TLCD4: variants seen among roughly 807,000 people sequenced by gnomAD.
The protein encoded by TLCD4 is TLC domain-containing protein 4.
In TLCD4, 7 loss-of-function variants were observed where a neutral mutation model predicts 24.2. The observed-to-expected ratio is 0.29, with a 90% CI of 0.16 to 0.54. TLCD4 has a LOEUF of 0.54. Ranked by LOEUF, TLCD4 falls within the 20% of genes least tolerant of loss-of-function variation. The pLI, the probability that TLCD4 is intolerant of heterozygous loss-of-function variation, is 0.95. For synonymous variants in TLCD4, 103 were observed against 106.4 expected (o/e 0.97, Z 0.20); for missense variants, 259 against 313.9 (o/e 0.82, Z 1.32).
At chr1:95,151,214 G>C in intron 4 of TLCD4, 111 bp from the exon 5 acceptor site, 2 of 1,066,892 alleles carry the variant, frequency 1.9e-6, no homozygotes, top group Non-Finnish European at 2.8e-6. Flanking sequence ...ACAAAGTGCT[G>C]TGGGCTCAGA....
At chr1:95,127,335 C>T (rs1676768270) in intron 1 of TLCD4, among the ~76,000 whole-genome samples, 1 of 152,204 alleles carries the variant, frequency 6.6e-6, no homozygotes, top group South Asian at 2.1e-4. Flanking sequence ...CCTACCTTAG[C>T]CACTTCCCTT....
chr1:95,139,949 A>G (rs1677153209), intron 1 of TLCD4, among the ~76,000 whole-genome samples: 1 of 152,202 alleles, frequency 6.6e-6, no homozygotes, highest in Admixed American at 6.5e-5. Flanking sequence ...AGAACCATCA[A>G]TATCATTGTC....
At chr1:95,105,888 C>G in the TLCD4 span, among the ~76,000 whole-genome samples, 1 of 44,254 alleles carries the variant, frequency 2.3e-5, no homozygotes, top group Non-Finnish European at 7.4e-5. Flanking sequence ...GAGCGAGACT[C>G]CGTCTTAAAA....
intron 1 of TLCD4, among the ~76,000 whole-genome samples, chr1:95,127,328 A>G (rs1317682295): frequency 6.6e-6 from 1 of 152,202 alleles, no homozygotes; most frequent in African/African-American, 2.4e-5. Context: ...GCAAAGCCCT[A>G]CCTTAGCCAC....
chr1:95,143,534 A>T (rs1367472093), intron 1 of TLCD4, among the ~76,000 whole-genome samples: 1 of 152,194 alleles, frequency 6.6e-6, no homozygotes, highest in African/African-American at 2.4e-5. Flanking sequence ...GGGATAAAGA[A>T]ATCGATTTGT....
intron 6 of TLCD4, among the ~76,000 whole-genome samples, chr1:95,177,152 T>C (rs1678461521): frequency 6.6e-6 from 1 of 152,234 alleles, no homozygotes; most frequent in Non-Finnish European, 1.5e-5. Flanking sequence ...CCATATGCCT[T>C]CAGCCTCTTT....
chr1:95,176,325 A>G (rs1302061307), intron 6 of TLCD4, among the ~76,000 whole-genome samples: 1 of 151,032 alleles, frequency 6.6e-6, no homozygotes, highest in East Asian at 2.0e-4. Flanking sequence ...TTGAGTAGCT[A>G]GAATTACAGG....
At chr1:95,155,220 C>T (rs1350238646) in intron 5 of TLCD4, among the ~76,000 whole-genome samples, 1 of 151,960 alleles carries the variant, frequency 6.6e-6, no homozygotes, top group Admixed American at 6.6e-5. Context: ...TAAGAAAATC[C>T]AGACTTCCAT....
intron 1 of TLCD4, among the ~76,000 whole-genome samples, chr1:95,125,092 A>G (rs1339223332): frequency 2.0e-5 from 3 of 152,322 alleles, no homozygotes; most frequent in East Asian, 1.9e-4. Context: ...TTCACTTCCC[A>G]TGAGTTATCT....
chr1:95,127,689 A>AGCC (rs1313069872), intron 1 of TLCD4, among the ~76,000 whole-genome samples: 1 of 152,194 alleles, frequency 6.6e-6, no homozygotes, highest in East Asian at 1.9e-4. Context: ...GACAGTAGAG[A>AGCC]GCCACCTGGT....
intron 5 of TLCD4, among the ~76,000 whole-genome samples, chr1:95,157,094 T>C (rs1159551726): frequency 6.6e-6 from 1 of 152,172 alleles, no homozygotes; most frequent in Non-Finnish European, 1.5e-5. Flanking sequence ...AATAATGTTT[T>C]AGCAGAGGCC....
intron 5 of TLCD4, among the ~76,000 whole-genome samples, chr1:95,167,983 C>T (rs766711175): frequency 3.3e-5 from 5 of 152,154 alleles, no homozygotes; most frequent in South Asian, 2.1e-4. Context: ...CGCCAGACTT[C>T]GTCACCCCCA....
At chr1:95,124,653 G>A (rs1247662585) in intron 1 of TLCD4, among the ~76,000 whole-genome samples, 1 of 152,038 alleles carries the variant, frequency 6.6e-6, no homozygotes, top group African/African-American at 2.4e-5. Flanking sequence ...GGACACATGA[G>A]CAATGAAAAA....
At chr1:95,142,874 C>T (rs1046029150) in intron 1 of TLCD4, among the ~76,000 whole-genome samples, 5 of 145,524 alleles carry the variant, frequency 3.4e-5, no homozygotes, top group Non-Finnish European at 3.0e-5. Context: ...TGCTTGAATC[C>T]GGGAGGCGGA....
chr1:95,140,121 TAGA>T (rs1043670955), intron 1 of TLCD4, among the ~76,000 whole-genome samples: 1 of 152,088 alleles, frequency 6.6e-6, no homozygotes, highest in African/African-American at 2.4e-5. Flanking sequence ...TTTTAATAAA[TAGA>T]AGGAATACAC....
At chr1:95,133,270 A>G (rs1676946972) in intron 1 of TLCD4, among the ~76,000 whole-genome samples, 1 of 152,128 alleles carries the variant, frequency 6.6e-6, no homozygotes, top group African/African-American at 2.4e-5. Flanking sequence ...GCATTAGCAG[A>G]TATACCTAAT....
chr1:95,110,190 C>T, the TLCD4 span, among the ~76,000 whole-genome samples: 2 of 151,024 alleles, frequency 1.3e-5, no homozygotes, highest in Non-Finnish European at 2.9e-5. Flanking sequence ...GACAGTTTTA[C>T]ACTTTTTTTG....
the TLCD4 span, among the ~76,000 whole-genome samples, chr1:95,103,640 G>A: frequency 6.6e-6 from 1 of 152,162 alleles, no homozygotes; most frequent in Admixed American, 6.5e-5. Context: ...AATTATTTAG[G>A]AGACATGATT....
At chr1:95,164,573 T>C (rs1215125619) in intron 5 of TLCD4, 1 of 152,300 alleles carries the variant, frequency 6.6e-6, no homozygotes, top group African/African-American at 2.4e-5. Context: ...GTCTTCTGTG[T>C]CGCTCATACT....
Sources: allele counts gnomAD v4.1 joint callset (sites outside exome capture counted in the v4.1 genomes callset), GRCh38; gene constraint gnomAD v4.1.1; transcripts MANE v1.5; gene names NCBI Gene and HGNC (gene_info 2026-07-23, HGNC 2026-07-21).